The following FIRRM variants were observed in gnomAD, a reference collection of about 807,000 sequenced individuals.
FIRRM encodes FIGNL1-interacting regulator of recombination and mitosis.
chr1:169,812,598 CTG>C, the FIRRM span, among the ~76,000 whole-genome samples: 307 of 152,282 alleles, frequency 2.0e-3, no homozygotes, highest in African/African-American at 7.0e-3. Flanking sequence ...TGACCCATGG[CTG>C]TAATCCCAGC....
the FIRRM span, among the ~76,000 whole-genome samples, chr1:169,841,991 CA>C: frequency 1.0e-3 from 156 of 151,872 alleles, 1 homozygote; most frequent in Admixed American, 2.6e-3. Flanking sequence ...TCCTGGCCAA[CA>C]TGGTGAAAAC....
chr1:169,811,930 A>G, the FIRRM span, among the ~76,000 whole-genome samples: 12 of 149,716 alleles, frequency 8.0e-5, no homozygotes, highest in Non-Finnish European at 1.8e-4. Flanking sequence ...CTAGATAGAT[A>G]GAAACAAAGA....
the FIRRM span, among the ~76,000 whole-genome samples, chr1:169,802,031 T>G: frequency 6.6e-6 from 1 of 152,238 alleles, no homozygotes; most frequent in Non-Finnish European, 1.5e-5. Flanking sequence ...TGTGTTGCTA[T>G]TCTTATAATG....
the FIRRM span, chr1:169,806,101 G>C: frequency 1.3e-6 from 2 of 1,507,752 alleles, no homozygotes; most frequent in South Asian, 2.4e-5. Flanking sequence ...AAGTTTGTTT[G>C]TTATTTTTTA....
At chr1:169,793,306 T>C in the FIRRM span, 1 of 1,614,170 alleles carries the variant, frequency 6.2e-7, no homozygotes, top group South Asian at 1.1e-5. Flanking sequence ...TTTTCACTAC[T>C]GATAACTTAA....
the FIRRM span, among the ~76,000 whole-genome samples, chr1:169,809,204 T>TGA: frequency 6.6e-6 from 1 of 152,174 alleles, no homozygotes; most frequent in African/African-American, 2.4e-5. Flanking sequence ...CTAACTTTTT[T>TGA]CTTCTTGCTT....
the FIRRM span, chr1:169,794,880 C>G: frequency 7.3e-6 from 4 of 549,876 alleles, no homozygotes; most frequent in Non-Finnish European, 1.3e-5. Context: ...CTCACAACGC[C>G]TCCTCCGGAC....
At chr1:169,815,028 T>C in the FIRRM span, among the ~76,000 whole-genome samples, 2 of 151,708 alleles carry the variant, frequency 1.3e-5, no homozygotes, top group East Asian at 3.9e-4. Context: ...CCAGGCGCGG[T>C]GGCTCACGCC....
At chr1:169,795,178 C>T in the FIRRM span, 78 of 1,536,060 alleles carry the variant, frequency 5.1e-5, 1 homozygote, top group East Asian at 2.4e-4. Context: ...GGAGCTATGC[C>T]GCCGGGAACT....
chr1:169,852,666 A>T, the FIRRM span: 1 of 1,011,626 alleles, frequency 9.9e-7, no homozygotes, highest in Non-Finnish European at 1.5e-6. Context: ...TTTGGGGTGC[A>T]TCCTCCTACC....
the FIRRM span, chr1:169,795,643 G>T: frequency 1.0e-6 from 1 of 991,962 alleles, no homozygotes; most frequent in Non-Finnish European, 1.2e-6. Flanking sequence ...TTTGTCTCCC[G>T]TAAAAAGGGT....
chr1:169,852,684 T>G, the FIRRM span: 9 of 1,169,096 alleles, frequency 7.7e-6, no homozygotes, highest in Admixed American at 1.3e-4. Context: ...ACCCTTGTGA[T>G]CCAATGACTA....
At chr1:169,829,896 C>G in the FIRRM span, among the ~76,000 whole-genome samples, 1 of 152,106 alleles carries the variant, frequency 6.6e-6, no homozygotes, top group Admixed American at 6.6e-5. Context: ...ATATCTAGCA[C>G]CTATTAAATG....
At chr1:169,812,709 T>G in the FIRRM span, among the ~76,000 whole-genome samples, 1 of 151,766 alleles carries the variant, frequency 6.6e-6, no homozygotes, top group Non-Finnish European at 1.5e-5. Context: ...ATACAAAAAT[T>G]AGCCAGGAGT....
At chr1:169,801,684 T>A in the FIRRM span, among the ~76,000 whole-genome samples, 2 of 151,842 alleles carry the variant, frequency 1.3e-5, no homozygotes, top group African/African-American at 4.8e-5. Flanking sequence ...AATACATTAT[T>A]ACATTTTAGA....
chr1:169,844,289 C>A, the FIRRM span, among the ~76,000 whole-genome samples: 1 of 152,242 alleles, frequency 6.6e-6, no homozygotes, highest in African/African-American at 2.4e-5. Flanking sequence ...TGTGGTGCCT[C>A]AGCTGTGCCT....
chr1:169,853,284 T>C, the FIRRM span: 2 of 358,038 alleles, frequency 5.6e-6, no homozygotes, highest in African/African-American at 4.2e-5. Flanking sequence ...TTTAAAATCA[T>C]TTATATAATT....
the FIRRM span, among the ~76,000 whole-genome samples, chr1:169,788,821 A>G: frequency 3.9e-5 from 6 of 152,208 alleles, no homozygotes; most frequent in African/African-American, 7.2e-5. Context: ...TTTAAGTTAT[A>G]AAGTTGTTCT....
the FIRRM span, among the ~76,000 whole-genome samples, chr1:169,827,403 C>T: frequency 6.6e-5 from 10 of 152,086 alleles, no homozygotes; most frequent in Non-Finnish European, 7.4e-5. Context: ...TTTGGGAGGC[C>T]GAGGTGGGCA....
Sources: gnomAD v4.1 joint callset for allele counts (sites outside exome capture counted in the v4.1 genomes callset) on GRCh38, gnomAD v4.1.1 for gene constraint, MANE v1.5 for transcripts, NCBI Gene and HGNC (gene_info 2026-07-23, HGNC 2026-07-21) for gene names.